CEMIP: variants seen among roughly 807,000 people sequenced by gnomAD.
CEMIP encodes the protein cell migration-inducing and hyaluronan-binding protein.
In CEMIP, 105 loss-of-function variants were observed where a neutral mutation model predicts 156.9. The observed-to-expected ratio is 0.67, with a 90% confidence interval of 0.57 to 0.79. CEMIP has a LOEUF of 0.79. Among genes scored for constraint, CEMIP ranks in the 30% least tolerant of loss-of-function variants. CEMIP has a pLI of 0.00. For missense variants in CEMIP, 1,457 were observed against 1,769.4 expected (o/e 0.82, Z 3.17); for synonymous variants, 676 against 668.4 (o/e 1.01, Z -0.17).
chr15:80,831,581 A>G (rs1897158393), intron 1 of CEMIP, among the ~76,000 whole-genome samples: 2 of 152,180 alleles, frequency 1.3e-5, no homozygotes, highest in Admixed American at 1.3e-4. Context: ...GCCAATGGGT[A>G]GGGAAAGACC....
chr15:80,947,136 T>C (rs1262374695), intron 29 of CEMIP, 71 bp downstream of exon 29: 1 of 960,152 alleles, frequency 1.0e-6, no homozygotes, highest in Non-Finnish European at 1.7e-6. Flanking sequence ...TGGAGGGTGC[T>C]GTCATCTTTT....
Position 80,942,231 on chromosome 15 carries a change from G to A in CEMIP, c.3613-20G>A. 1 of 1,600,402 alleles carries A rather than the reference G, an allele frequency of 6.2e-7. No individual in the cohort carries two copies. The highest frequency in any genetic ancestry group is 8.6e-7 in the Non-Finnish European group (1 of 1,167,564). On this transcript the variant is annotated intron_variant, in intron 26 of 29. Transcript: ENST00000394685. ...ACTACCCAAACCTAACAATTACATT[G>A]GGTTCTATGTGTTTTCCAGAAAACA...
chr15:80,912,778 T>A (rs1220948189), intron 14 of CEMIP, among the ~76,000 whole-genome samples: 2 of 152,214 alleles, frequency 1.3e-5, no homozygotes, highest in African/African-American at 2.4e-5. Flanking sequence ...GGGAACTGGA[T>A]GATCTCCATC....
At chr15:80,848,926 A>ACACACACACT (rs374603705) in intron 1 of CEMIP, among the ~76,000 whole-genome samples, 1 of 131,158 alleles carries the variant, frequency 7.6e-6, no homozygotes, top group Non-Finnish European at 1.6e-5. Flanking sequence ...ACACACACAC[A>ACACACACACT]CCCTGGCTTC....
At chr15:80,858,775 G>T (rs1897915284) in intron 1 of CEMIP, among the ~76,000 whole-genome samples, 1 of 152,072 alleles carries the variant, frequency 6.6e-6, no homozygotes, top group Admixed American at 6.5e-5. Context: ...TCTCCTTTTG[G>T]CTTCTTATTA....
intron 1 of CEMIP, among the ~76,000 whole-genome samples, chr15:80,855,818 C>A (rs1897840288): frequency 6.6e-6 from 1 of 152,182 alleles, no homozygotes; most frequent in Non-Finnish European, 1.5e-5. Context: ...CCACCGCACC[C>A]AGCCCGTGCC....
intron 1 of CEMIP, among the ~76,000 whole-genome samples, chr15:80,834,385 C>T (rs1216969933): frequency 6.6e-6 from 1 of 152,190 alleles, no homozygotes; most frequent in Non-Finnish European, 1.5e-5. Flanking sequence ...GCCTGTCCTA[C>T]CTTTTCTTCT....
chr15:80,894,911 T>C (rs1440538178), intron 10 of CEMIP, 79 bp from the exon 11 acceptor site: 3 of 1,552,942 alleles, frequency 1.9e-6, no homozygotes, highest in African/African-American at 1.4e-5. Flanking sequence ...TCTGAGTATA[T>C]GTTTAGAACA....
At chr15:80,926,072 C>T (rs908716360) in intron 19 of CEMIP, among the ~76,000 whole-genome samples, 3 of 152,222 alleles carry the variant, frequency 2.0e-5, no homozygotes, top group Admixed American at 6.5e-5. Flanking sequence ...AGAAAGAAGC[C>T]AGAACATTCT....
chr15:80,880,625 G>A (rs1441944070), intron 5 of CEMIP, among the ~76,000 whole-genome samples: 3 of 152,150 alleles, frequency 2.0e-5, no homozygotes, highest in Non-Finnish European at 4.4e-5. Flanking sequence ...TAGTAGAGAT[G>A]GAGTTTCACC....
At chr15:80,908,412 A>T (rs1288913644) in intron 13 of CEMIP, among the ~76,000 whole-genome samples, 1 of 152,082 alleles carries the variant, frequency 6.6e-6, no homozygotes, top group Non-Finnish European at 1.5e-5. Context: ...TCTTTAGTAG[A>T]GGTTAGCTGA....
rs60941228 is a variant in CEMIP at position 80,948,720 on chromosome 15, T to A, written c.3959-77T>A. ...CCTGGTGGGCGTGGGGGGCTGGCGA[T>A]GGGGAGCCATGGAACGGGGTGGGGC... On this transcript the variant is annotated intron_variant, in intron 29 of 29. Coordinates refer to ENST00000394685, the MANE Select transcript of CEMIP (RefSeq NM_001293298.2). 496 of 1,599,824 alleles carry A rather than the reference T, an allele frequency of 3.1e-4. 2 individuals carry two copies. Among genetic ancestry groups the A allele is most frequent in the Non-Finnish European group, 5.0e-5 (59 of 1,169,918 alleles).
chr15:80,895,380 C>A (rs1386519968), intron 11 of CEMIP, among the ~76,000 whole-genome samples: 1 of 152,210 alleles, frequency 6.6e-6, no homozygotes, highest in Non-Finnish European at 1.5e-5. Flanking sequence ...CCCTCCCCTG[C>A]AGAGATGTGC....
chr15:80,872,369 A>G (rs1000131538), intron 1 of CEMIP, among the ~76,000 whole-genome samples: 3 of 152,230 alleles, frequency 2.0e-5, no homozygotes, highest in Admixed American at 6.5e-5. Context: ...TTGCACAAAG[A>G]CATCTCTCCA....
At chr15:80,817,541 T>C (rs767051795) in intron 1 of CEMIP, among the ~76,000 whole-genome samples, 5 of 151,500 alleles carry the variant, frequency 3.3e-5, no homozygotes, top group African/African-American at 7.3e-5. Flanking sequence ...GTAGAGGTTG[T>C]GGTGAGCGGT....
At chr15:80,904,356 A>C (rs961310010) in intron 12 of CEMIP, among the ~76,000 whole-genome samples, 5 of 152,204 alleles carry the variant, frequency 3.3e-5, no homozygotes, top group Non-Finnish European at 7.3e-5. Context: ...ACACCACTGC[A>C]TTCCAGCCTG....
chr15:80,854,399 T>C (rs1464420766), intron 1 of CEMIP, among the ~76,000 whole-genome samples: 1 of 152,216 alleles, frequency 6.6e-6, no homozygotes. Flanking sequence ...CAGGAGATGC[T>C]TCAGGCAATT....
chr15:80,816,392 CTCTG>C lies in CEMIP; in HGVS notation c.-176+36783_-176+36786del, dbSNP rs912378561. On this transcript the variant is annotated intron_variant, in intron 1 of 29. Transcript: ENST00000394685. Reference sequence around the variant, plus strand: ...TGTCTGTCTGGATGTTTCCTCGGACCTCTGTCTGCTTCCTACTCCAGGGCCTCCT... The same window carrying C: ...TGTCTGTCTGGATGTTTCCTCGGACCTCTGCTTCCTACTCCAGGGCCTCCT... Among the ~76,000 whole-genome samples, 4 of 152,258 alleles carry C rather than the reference CTCTG, an allele frequency of 2.6e-5. No individual in the cohort carries two copies. In the East Asian group the frequency reaches 5.8e-4, roughly 22 times the overall value.
Position 80,943,111 on chromosome 15 carries a change from G to C in CEMIP, c.3857+9G>C. On this transcript the variant is annotated intron_variant, in intron 28 of 29. Coordinates refer to ENST00000394685, the MANE Select transcript of CEMIP (RefSeq NM_001293298.2). Reference sequence around the variant, plus strand: ...GCGACCATCCCTGACAAGTGAGTCTGTACCTCTGCTTCTGGAATTGGCTGC... The same window carrying C: ...GCGACCATCCCTGACAAGTGAGTCTCTACCTCTGCTTCTGGAATTGGCTGC... 6.2e-7 allele frequency: 1 copy of C among 1,614,210 alleles called. No homozygotes were observed. Among genetic ancestry groups the C allele is most frequent in the Non-Finnish European group, 8.5e-7 (1 of 1,180,014 alleles).
Sources: allele counts gnomAD v4.1 joint callset (sites outside exome capture counted in the v4.1 genomes callset), GRCh38; gene constraint gnomAD v4.1.1; transcripts MANE v1.5; gene names NCBI Gene and HGNC (gene_info 2026-07-23, HGNC 2026-07-21).